The following NCAPH2 variants were observed in gnomAD, a reference collection of about 807,000 sequenced individuals.
NCAPH2 encodes non-SMC condensin II complex subunit H2, also known as condensin-2 complex subunit H2.
In NCAPH2, 56 loss-of-function variants were observed where a neutral mutation model predicts 88.6. The observed-to-expected ratio is 0.63, with a 90% CI of 0.51 to 0.79. NCAPH2 has a LOEUF of 0.79. NCAPH2 is among the 30% of genes least tolerant of loss of function. The probability of loss-of-function intolerance (pLI) is 0.00; values close to 1 mark genes in which losing one functional copy is unlikely to be tolerated. For missense variants in NCAPH2, 794 were observed against 792.0 expected (o/e 1.00, Z -0.03); for synonymous variants, 378 against 313.6 (o/e 1.21, Z -2.17).
At position 50,523,271 on chromosome 22, in the gene NCAPH2, G is replaced by C. The variant is rs370324142; in HGVS notation, c.1714G>C (p.Gly572Arg). Residue 572 changes from glycine (G) to arginine (R), a missense_variant, in exon 20 of 20, where the codon GGG (glycine) becomes CGG (arginine). Around this residue, in one of 2 missense-constraint regions of NCAPH2, gnomAD observed 735 missense variants for 696.3 expected, o/e 1.06. Coordinates refer to ENST00000420993, the MANE Select transcript of NCAPH2 (RefSeq NM_152299.4). ...CACAGTGGAGATAACCCAGCAGCCC[G>C]GGCTGGAGATGGCCGTGGACACCAT... ...DYTVEITQQP[G>R]LEMAVDTMSL... The C allele has an allele frequency of 6.2e-7, 1 of 1,610,392 alleles. No homozygotes were observed. Among genetic ancestry groups the C allele is most frequent in the Admixed American group, 1.7e-5 (1 of 59,576 alleles).
chr22:50,522,224 A>T lies in NCAPH2; in HGVS notation c.1206A>T (p.Glu402Asp). Residue 402 changes from glutamate to aspartate, a missense_variant, in exon 14 of 20, where the codon GAA (glutamate) becomes GAT (aspartate). This residue lies in a region of NCAPH2 where 735 missense variants were observed against 696.3 expected (regional missense o/e 1.06). Transcript: ENST00000420993. ...GGACACACGTGAAGGAGCAGTTGGA[A>T]ACTCTCCGGAAGCTGCAGAGGAGGG... ...LYWTHVKEQL[E>D]TLRKLQRREV... The T allele has an allele frequency of 6.2e-7, 1 of 1,613,774 alleles. No individual in the cohort carries two copies. The highest frequency in any genetic ancestry group is 8.5e-7 in the Non-Finnish European group (1 of 1,179,932).
chr22:50,512,866 C>T (rs1027647828), intron 1 of NCAPH2, among the ~76,000 whole-genome samples: 16 of 152,136 alleles, frequency 1.1e-4, no homozygotes, highest in African/African-American at 3.4e-4. Flanking sequence ...CTAGTACTGT[C>T]ATGATCCTAC....
chr22:50,508,477 G>C, intron 1 of NCAPH2, 32 bp downstream of exon 1: 3 of 672,040 alleles, frequency 4.5e-6, no homozygotes, highest in Non-Finnish European at 4.4e-6. Context: ...CGCGGGGTGG[G>C]CCGGCGGGTG....
chr22:50,517,839 G>A (rs777488144), intron 5 of NCAPH2, 30 bp downstream of exon 5: 2 of 1,612,024 alleles, frequency 1.2e-6, no homozygotes, highest in South Asian at 1.1e-5. Flanking sequence ...CTCTTAGGCT[G>A]GGGTGAGGTC....
chr22:50,515,892 T>C, intron 1 of NCAPH2: 1 of 918,396 alleles, frequency 1.1e-6, no homozygotes, highest in Non-Finnish European at 1.5e-6. Flanking sequence ...GCTCATTGGC[T>C]TATGGTTGGC....
chr22:50,510,805 C>G (rs976833649), intron 1 of NCAPH2, among the ~76,000 whole-genome samples: 2 of 151,980 alleles, frequency 1.3e-5, no homozygotes, highest in Non-Finnish European at 2.9e-5. Flanking sequence ...TCCTCTCCAT[C>G]TCAGCACCTT....
chr22:50,522,437 G>A, intron 15 of NCAPH2, 22 bp downstream of exon 15: 1 of 1,612,520 alleles, frequency 6.2e-7, no homozygotes, highest in Non-Finnish European at 8.5e-7. Context: ...CCAGGGGGTG[G>A]GGTGGGGCTT....
chr22:50,513,648 G>C (rs1401700600), intron 1 of NCAPH2, among the ~76,000 whole-genome samples: 2 of 152,246 alleles, frequency 1.3e-5, no homozygotes, highest in Non-Finnish European at 2.9e-5. Context: ...TGTAGTCCCA[G>C]TTACTTGGGA....
chr22:50,518,158 C>T lies in NCAPH2; in HGVS notation c.526C>T (p.Arg176Trp), dbSNP rs1351695729. 8 of 1,613,960 alleles carry T rather than the reference C, an allele frequency of 5.0e-6. No individual in the cohort carries two copies. Among genetic ancestry groups the T allele is most frequent in the Admixed American group, 1.7e-5 (1 of 59,994 alleles). ...YSRQGEVLAS[R>W]KDFRMNTCVP... The stretch of plus-strand genomic sequence containing the variant: ...CCGTCAGGGTGAGGTCCTGGCCAGC[C>T]GGAAGGATTTCAGGATGAACACGTG... The change falls in exon 7 of 20, where the codon CGG (arginine) becomes TGG (tryptophan). Residue 176 changes from arginine (R) to tryptophan (W), a missense_variant. Transcript: ENST00000420993.
In NCAPH2 at chr22:50,518,665, G is replaced by T; in HGVS notation, c.663G>T (p.Glu221Asp). The T allele has an allele frequency of 6.2e-7, 1 of 1,608,542 alleles. No individual in the cohort carries two copies. The highest frequency in any genetic ancestry group is 8.5e-7 in the Non-Finnish European group (1 of 1,178,532). ...CTCTCCCAGACACCGGGAGGACTGA[G>T]GAGCAGCCAATGGAAGTTTCCGTGT... ...PGTQKDTGRTEEQPMEVSVCR... is the reference protein window; with the variant it reads ...PGTQKDTGRTDEQPMEVSVCR... The change falls in exon 8 of 20, where the codon GAG (glutamate) becomes GAT (aspartate). Residue 221 changes from glutamate to aspartate, a missense_variant. Glu to Asp is a conservative substitution (Grantham distance 45). Transcript: ENST00000420993.
At chr22:50,519,362 T>C (rs2069020065) in intron 9 of NCAPH2, 42 bp downstream of exon 9, 2 of 1,606,066 alleles carry the variant, frequency 1.2e-6, no homozygotes, top group Non-Finnish European at 1.7e-6. Flanking sequence ...AGCTGTGAAC[T>C]GGCAACCCTG....
At chr22:50,512,476 AT>A (rs2068809722) in intron 1 of NCAPH2, among the ~76,000 whole-genome samples, 1 of 146,112 alleles carries the variant, frequency 6.8e-6, no homozygotes, top group Non-Finnish European at 1.5e-5. Flanking sequence ...GGTTTCTAGT[AT>A]TATCTTTTTC....
At chr22:50,513,396 T>TG (rs1430342910) in intron 1 of NCAPH2, among the ~76,000 whole-genome samples, 2 of 151,506 alleles carry the variant, frequency 1.3e-5, no homozygotes, top group Non-Finnish European at 2.9e-5. Flanking sequence ...CCCAGCACTT[T>TG]GGGGGGCCGA....
At position 50,523,353 on chromosome 22, in the gene NCAPH2, C is replaced by T; in HGVS notation, c.1796C>T (p.Ala599Val). 3 of 1,555,214 alleles carry T rather than the reference C, an allele frequency of 1.9e-6. No homozygotes were observed. The highest frequency in any genetic ancestry group is 2.4e-5 in the South Asian group (2 of 84,964). ...RAHKRFQTYAAPSMAQP is the reference protein window; with the variant it reads ...RAHKRFQTYAVPSMAQP ...CACAAGCGCTTCCAGACCTACGCTG[C>T]CCCCTCCATGGCCCAGCCCTGAGTG... is the stretch of plus-strand genomic sequence containing the variant. The change falls in exon 20 of 20, where the codon GCC (alanine) becomes GTC (valine). Residue 599 changes from alanine (A) to valine (V), a missense_variant. Physicochemically the swap from Ala to Val is moderately conservative, Grantham distance 64. Transcript: ENST00000420993.
At position 50,519,174 on chromosome 22, in the gene NCAPH2, C is replaced by A; in HGVS notation, c.731-16C>A. On this transcript the variant is annotated splice_polypyrimidine_tract_variant and intron_variant, in intron 8 of 19. Transcript: ENST00000420993. ...GGCACTCCTTGGAGCTGATCACTCT[C>A]TTGCTCCCTGCCTAGGCCCCTCTCC... is the stretch of plus-strand genomic sequence containing the variant. 1 of 1,598,478 alleles carries A rather than the reference C, an allele frequency of 6.3e-7. No homozygotes were observed.
At position 50,522,423 on chromosome 22, in the gene NCAPH2, C is replaced by T. The variant is rs201165762; in HGVS notation, c.1306+8C>T. The T allele has an allele frequency of 7.0e-5, 112 of 1,611,418 alleles. No homozygotes were observed. In the East Asian group the frequency reaches 1.3e-3, roughly 19 times the overall value. ...AAGACCTGGGGGCAGCAGGTGGGTG[C>T]CTGCCAGGGGGTGGGGTGGGGCTTG... On this transcript the variant is annotated splice_region_variant and intron_variant, in intron 15 of 19. Coordinates refer to ENST00000420993, the MANE Select transcript of NCAPH2 (RefSeq NM_152299.4).
At chr22:50,515,842 C>T (rs2068906322) in intron 1 of NCAPH2, 2 of 1,256,242 alleles carry the variant, frequency 1.6e-6, no homozygotes, top group South Asian at 1.3e-5. Context: ...GAATGCAGCC[C>T]CAGAGCTAAG....
chr22:50,521,880 T>C (rs1380085722), intron 12 of NCAPH2, 32 bp downstream of exon 12: 2 of 1,613,276 alleles, frequency 1.2e-6, no homozygotes, highest in South Asian at 2.2e-5. Flanking sequence ...TCCGGACCAC[T>C]GGGAGCTGGG....
Position 50,521,977 on chromosome 22 carries a change from C to T in NCAPH2, c.1109-9C>T. On this transcript the variant is annotated splice_polypyrimidine_tract_variant and intron_variant, in intron 12 of 19. Coordinates refer to ENST00000420993, the MANE Select transcript of NCAPH2 (RefSeq NM_152299.4). ...TGGCCTGGCTGGTGCTGAGCATGTT[C>T]TTTCACAGATGCAGACCATGCCGAC... is the stretch of plus-strand genomic sequence containing the variant. 2 of 1,613,934 alleles carry T rather than the reference C, an allele frequency of 1.2e-6. No homozygotes were observed. Among genetic ancestry groups the T allele is most frequent in the Non-Finnish European group, 1.7e-6 (2 of 1,179,924 alleles).
Sources: gnomAD v4.1 joint callset for allele counts (sites outside exome capture counted in the v4.1 genomes callset) on GRCh38, gnomAD v4.1.1 for gene constraint, gnomAD v4.1.1 regional missense constraint, MANE v1.5 for transcripts, NCBI Gene and HGNC (gene_info 2026-07-23, HGNC 2026-07-21) for gene names.